The following PEAK1 variants were observed in gnomAD, a reference collection of about 807,000 sequenced individuals.
PEAK1 encodes the protein pseudopodium enriched atypical kinase 1.
PEAK1 carries 54 observed loss-of-function variants against 124.7 expected under a neutral mutation model. The observed-to-expected ratio is 0.43, with a 90% CI of 0.35 to 0.54. PEAK1 has a LOEUF of 0.54. PEAK1 is among the 20% of genes least tolerant of loss of function. The pLI is 0.01. For missense variants in PEAK1, 2,046 were observed against 2,134.5 expected (o/e 0.96, Z 0.82); for synonymous variants, 719 against 760.0 (o/e 0.95, Z 0.89).
intron 2 of PEAK1, among the ~76,000 whole-genome samples, chr15:77,291,504 C>G (rs1036717403): frequency 2.0e-5 from 3 of 152,150 alleles, no homozygotes; most frequent in African/African-American, 7.2e-5. Context: ...CAATATGATG[C>G]TGACAACCAC....
At chr15:77,346,062 T>C (rs547951747) in intron 2 of PEAK1, 121 of 985,400 alleles carry the variant, frequency 1.2e-4, no homozygotes, top group African/African-American at 4.2e-4. Context: ...TCCCTTTCCA[T>C]AGAGTTAATC....
intron 1 of PEAK1, among the ~76,000 whole-genome samples, chr15:77,377,564 G>T (rs550080692): frequency 2.2e-3 from 338 of 151,838 alleles, no homozygotes; most frequent in Middle Eastern, 0.01. Flanking sequence ...CCACCTCCCA[G>T]GTTCAAGCGA....
intron 1 of PEAK1, among the ~76,000 whole-genome samples, chr15:77,369,930 A>G (rs1179405689): frequency 6.6e-6 from 1 of 152,124 alleles, no homozygotes; most frequent in Non-Finnish European, 1.5e-5. Flanking sequence ...TCTGGGAATT[A>G]AAAAAAGAGG....
rs535855097 is a variant in PEAK1, at chr15:77,238,939, G to A, written c.-115+13428C>T. 5.9e-4 allele frequency among the ~76,000 whole-genome samples: 90 copies of A among 152,258 alleles called. 1 individual carries two copies. Among genetic ancestry groups the A allele is most frequent in the African/African-American group, 2.1e-3 (89 of 41,566 alleles). ...GTATTCCAGTCCTACACATATTTTA[G>A]ATTATAGTTCTTATCTGCATTCTAA... is the stretch of plus-strand genomic sequence containing the variant. On this transcript the variant is annotated intron_variant, in intron 6 of 9. Transcript: ENST00000682557.
intron 6 of PEAK1, among the ~76,000 whole-genome samples, chr15:77,228,890 C>T (rs1237002021): frequency 2.0e-5 from 3 of 152,046 alleles, no homozygotes; most frequent in Admixed American, 1.3e-4. Context: ...GGTTTCAGGT[C>T]CTTCATTTGA....
chr15:77,103,023 G>A (rs1342298701), exon 7 of PEAK1: 1 of 152,124 alleles, frequency 6.6e-6, no homozygotes, highest in Non-Finnish European at 1.5e-5. Flanking sequence ...TCATCCCTAT[G>A]TGACTGAACG....
At chr15:77,381,387 C>T in intron 1 of PEAK1, 1 of 811,810 alleles carries the variant, frequency 1.2e-6, no homozygotes, top group East Asian at 1.2e-4. Flanking sequence ...TGAATAGCCA[C>T]TGCACTTCAG....
intron 2 of PEAK1, among the ~76,000 whole-genome samples, chr15:77,313,724 G>GTA (rs1243000462): frequency 0.023 from 2,505 of 108,284 alleles, 102 homozygotes; most frequent in African/African-American, 0.075. Flanking sequence ...GTGTGTGTGT[G>GTA]TGTATATATA....
intron 2 of PEAK1, chr15:77,333,443 C>A (rs931410481): frequency 4.2e-6 from 4 of 954,284 alleles, no homozygotes; most frequent in South Asian, 9.7e-5. Context: ...TTGTATATTT[C>A]TTTTCTCTAA....
At chr15:77,411,331 A>C (rs1054846843) in intron 1 of PEAK1, among the ~76,000 whole-genome samples, 8 of 152,230 alleles carry the variant, frequency 5.3e-5, no homozygotes, top group Non-Finnish European at 7.3e-5. Context: ...AACACTCCTC[A>C]TCAGTTCACT....
At chr15:77,365,665 G>A (rs539098961) in intron 1 of PEAK1, among the ~76,000 whole-genome samples, 3 of 151,522 alleles carry the variant, frequency 2.0e-5, no homozygotes, top group Admixed American at 6.6e-5. Context: ...GCTTGAACCC[G>A]GGAGGCGGAG....
intron 6 of PEAK1, chr15:77,204,990 G>T: frequency 5.1e-6 from 1 of 194,814 alleles, no homozygotes. Flanking sequence ...ACAGGCCAAA[G>T]TGGCTAATCA....
chr15:77,155,938 CT>C (rs1365517646), intron 8 of PEAK1: 1 of 153,230 alleles, frequency 6.5e-6, no homozygotes, highest in Non-Finnish European at 1.5e-5. Context: ...AGTTAGGCTG[CT>C]CGGGGGTCAG....
chr15:77,347,509 T>C (rs1266260362), intron 2 of PEAK1: 44 of 985,206 alleles, frequency 4.5e-5, no homozygotes, highest in Non-Finnish European at 5.2e-5. Context: ...AGGCTTATAA[T>C]AGGAACCGTT....
intron 6 of PEAK1, 95 bp from the exon 7 acceptor site, chr15:77,182,135 A>C: frequency 8.7e-7 from 1 of 1,152,676 alleles, no homozygotes; most frequent in African/African-American, 1.6e-5. Context: ...TCCATTCCTA[A>C]ACTTTTCCTT....
chr15:77,120,121 C>T (rs911801103), intron 9 of PEAK1, among the ~76,000 whole-genome samples: 1 of 152,206 alleles, frequency 6.6e-6, no homozygotes, highest in African/African-American at 2.4e-5. Context: ...CATGGTGTTA[C>T]TCATTCTTCT....
chr15:77,412,856 T>C (rs1274795393), intron 1 of PEAK1, among the ~76,000 whole-genome samples: 1 of 151,566 alleles, frequency 6.6e-6, no homozygotes, highest in Admixed American at 6.6e-5. Flanking sequence ...TACATACGCA[T>C]AAAAAAAGGA....
intron 2 of PEAK1, among the ~76,000 whole-genome samples, chr15:77,345,459 G>C (rs1474188764): frequency 1.3e-5 from 2 of 152,154 alleles, no homozygotes; most frequent in Non-Finnish European, 2.9e-5. Context: ...TTTTATGAAA[G>C]ACCAGAGGTT....
At chr15:77,335,779 CT>C (rs2066162635) in intron 2 of PEAK1, 1 of 984,948 alleles carries the variant, frequency 1.0e-6, no homozygotes, top group African/African-American at 1.7e-5. Context: ...GTGTGAGTCA[CT>C]GTACACAGCC....
Sources: gnomAD v4.1 joint callset for allele counts (sites outside exome capture counted in the v4.1 genomes callset) on GRCh38, gnomAD v4.1.1 for gene constraint, MANE v1.5 for transcripts, NCBI Gene and HGNC (gene_info 2026-07-23, HGNC 2026-07-21) for gene names.